The following MYH10 variants were observed in gnomAD, a reference collection of about 807,000 sequenced individuals.
MYH10 encodes myosin heavy chain 10, also known as myosin-10.
In MYH10, 55 loss-of-function variants were observed where a neutral mutation model predicts 257.8. That is an observed-to-expected ratio of 0.21 (90% CI 0.17 to 0.27). The LOEUF (loss-of-function observed/expected upper bound fraction) is 0.27, where lower values mean the gene tolerates loss of function less well. MYH10 is among the 10% of genes least tolerant of loss of function. The pLI is 1.00. For missense variants in MYH10, 1,631 were observed against 2,500.6 expected (o/e 0.65, Z 7.42); for synonymous variants, 854 against 921.7 (o/e 0.93, Z 1.33).
chr17:8,591,520 A>G (rs2084137942), intron 3 of MYH10, among the ~76,000 whole-genome samples: 1 of 152,184 alleles, frequency 6.6e-6, no homozygotes, highest in African/African-American at 2.4e-5. Context: ...ATGAATCTTC[A>G]GACCCCCGAA....
At position 8,476,699 on chromosome 17, in the gene MYH10, CTT is replaced by C. The variant is rs201883724; in HGVS notation, c.5879+175_5879+176del. ...CTGGCAATGAATAGGGCCGCCTCCT[CTT>C]TTATTCTCCCCAAGGACGACTATAA... On this transcript the variant is annotated intron_variant, in intron 42 of 42. Coordinates refer to ENST00000360416, the MANE Select transcript of MYH10 (RefSeq NM_001256012.3). Among the ~76,000 whole-genome samples the C allele has an allele frequency of 9.3e-3, 1,421 of 152,356 alleles. 24 individuals are homozygous for C. The highest frequency in any genetic ancestry group is 0.031 in the African/African-American group (1,302 of 41,570).
chr17:8,479,484 C>G (rs1367848771), intron 40 of MYH10, among the ~76,000 whole-genome samples: 1 of 152,186 alleles, frequency 6.6e-6, no homozygotes, highest in African/African-American at 2.4e-5. Context: ...CTTCAGCCCA[C>G]TGGAGTCCAA....
At chr17:8,588,408 C>T (rs929945221) in intron 4 of MYH10, among the ~76,000 whole-genome samples, 1 of 152,184 alleles carries the variant, frequency 6.6e-6, no homozygotes, top group African/African-American at 2.4e-5. Context: ...CCTGTTCTTC[C>T]TCCCATGTTC....
intron 2 of MYH10, among the ~76,000 whole-genome samples, chr17:8,608,764 A>T (rs918798448): frequency 6.6e-6 from 1 of 151,900 alleles, no homozygotes. Flanking sequence ...ACCTATGCTG[A>T]CCACTCTGCC....
At chr17:8,573,148 C>T (rs182077) in intron 6 of MYH10, among the ~76,000 whole-genome samples, 146,876 of 152,314 alleles carry the variant, frequency 0.96, 71,053 homozygotes, top group East Asian at 1. Flanking sequence ...GTGAAAATTA[C>T]ACTCCTGGGT....
At chr17:8,607,047 T>C (rs2152079370) in intron 2 of MYH10, among the ~76,000 whole-genome samples, 1 of 152,208 alleles carries the variant, frequency 6.6e-6, no homozygotes, top group East Asian at 1.9e-4. Flanking sequence ...ATAAAGGCTT[T>C]ATTAAGGCTG....
At chr17:8,548,889 C>T (rs1431370053) in intron 9 of MYH10, 102 bp from the exon 10 acceptor site, 1 of 928,458 alleles carries the variant, frequency 1.1e-6, no homozygotes, top group African/African-American at 1.7e-5. Flanking sequence ...GAGCAGTGGT[C>T]ACCATGCAAC....
rs1193474487 is a variant in MYH10 at position 8,499,453 on chromosome 17, G to C, written c.3768C>G (p.Asn1256Lys). The C allele has an allele frequency of 6.2e-7, 1 of 1,614,022 alleles. No homozygotes were observed. The highest frequency in any genetic ancestry group is 1.3e-5 in the African/African-American group (1 of 74,904). Residue 1256 changes from asparagine (N) to lysine (K), a missense_variant, in exon 30 of 43, where the codon AAC becomes AAG. Asn to Lys is a moderately conservative substitution (Grantham distance 94). Transcript: ENST00000360416. The part of the protein sequence containing the change: ...AKRFKANLEK[N>K]KQGLETDNKE... ...TGTTATCTGTCTCCAGGCCCTGCTT[G>C]TTCTTCTCTAGATTTGCTTTGAACT...
chr17:8,498,375 G>A (rs1916995158), intron 30 of MYH10, among the ~76,000 whole-genome samples: 1 of 152,160 alleles, frequency 6.6e-6, no homozygotes, highest in Admixed American at 6.5e-5. Flanking sequence ...AGTGGATACT[G>A]AGGGCTGACT....
Position 8,506,231 on chromosome 17 carries a change from G to T in MYH10, c.3386+87C>A. On this transcript the variant is annotated intron_variant, in intron 27 of 42. Transcript: ENST00000360416. The surrounding 1 kb of genome is among the most constrained non-coding windows in gnomAD (Gnocchi z 5.0). Reference sequence around the variant, plus strand: ...AAGCAAACCCCATCTCACTCTCCCAGGGTTTTTGAATGCTCCCGAACATAA... The same window carrying T: ...AAGCAAACCCCATCTCACTCTCCCATGGTTTTTGAATGCTCCCGAACATAA... 7.3e-7 allele frequency: 1 copy of T among 1,372,818 alleles called. No individual in the cohort carries two copies. The highest frequency in any genetic ancestry group is 1.6e-5 in the South Asian group (1 of 61,880). 85.0% of individuals were successfully genotyped at this position (1,372,818 alleles called of 1,614,324 possible).
intron 29 of MYH10, 113 bp from the exon 30 acceptor site, chr17:8,499,589 A>G (rs941981058): frequency 3.4e-6 from 3 of 881,734 alleles, no homozygotes; most frequent in Non-Finnish European, 5.3e-6. Context: ...TCTGTAGTCA[A>G]CATCTGTTGA....
chr17:8,550,741 C>T (rs1172903505), intron 9 of MYH10, among the ~76,000 whole-genome samples: 4 of 151,832 alleles, frequency 2.6e-5, no homozygotes, highest in African/African-American at 7.3e-5. Context: ...GGATGGTTGC[C>T]GTGTCTGTGT....
chr17:8,523,157 T>C (rs922658990), intron 17 of MYH10, among the ~76,000 whole-genome samples: 4 of 152,206 alleles, frequency 2.6e-5, no homozygotes, highest in African/African-American at 9.6e-5. Context: ...TCTAACTAGA[T>C]ATACCTGACC....
Position 8,477,167 on chromosome 17 carries a change from A to AT in MYH10, c.5707-120_5707-119insA. 1 of 1,071,970 alleles carries AT rather than the reference A, an allele frequency of 9.3e-7. No individual in the cohort carries two copies. The highest frequency in any genetic ancestry group is 1.3e-6 in the Non-Finnish European group (1 of 752,288). 66.4% of individuals were successfully genotyped at this position (1,071,970 alleles called of 1,614,324 possible). Reference sequence around the variant, plus strand: ...GTTACCCTTGTGAGCACGCGTGTACACGGATGTACACGCGTGCCTGGGGGC... The same window carrying AT: ...GTTACCCTTGTGAGCACGCGTGTACATCGGATGTACACGCGTGCCTGGGGGC... On this transcript the variant is annotated intron_variant, in intron 41 of 42. Coordinates refer to ENST00000360416, the MANE Select transcript of MYH10 (RefSeq NM_001256012.3). This position sits in a 1 kb window ranked among gnomAD's most constrained non-coding sequence, Gnocchi z 4.2.
intron 14 of MYH10, among the ~76,000 whole-genome samples, chr17:8,537,377 G>T (rs937227806): frequency 2.0e-5 from 3 of 152,198 alleles, no homozygotes; most frequent in African/African-American, 7.2e-5. Flanking sequence ...AAATATAAAT[G>T]AAACAGTGTA....
chr17:8,622,898 T>C lies in MYH10; in HGVS notation c.345+4A>G, dbSNP rs1167774690. On this transcript the variant is annotated splice_donor_region_variant and intron_variant, in intron 2 of 42. Coordinates refer to ENST00000360416, the MANE Select transcript of MYH10 (RefSeq NM_001256012.3). The stretch of plus-strand genomic sequence containing the variant: ...TCACATGATTATTTGGAAGAAATAC[T>C]TACATAGATTAGTCCTGAATAGTAG... 1 of 1,611,780 alleles carries C rather than the reference T, an allele frequency of 6.2e-7. No individual in the cohort carries two copies. Among genetic ancestry groups the C allele is most frequent in the African/African-American group, 1.3e-5 (1 of 74,812 alleles).
rs952073708 is a variant in MYH10, at chr17:8,535,913, G to A, written c.1624C>T (p.Leu542=). 10 of 1,613,902 alleles carry A rather than the reference G, an allele frequency of 6.2e-6. No individual in the cohort carries two copies. Among genetic ancestry groups the A allele is most frequent in the African/African-American group, 2.7e-5 (2 of 74,888 alleles). ...IERPANPPGV[L]ALLDEECWFP... ...CAGCATTCTTCATCCAAAAGGGCCA[G>A]TACACCAGGAGGGTTCGCCTGATAA... Residue 542 remains leucine (L), a synonymous_variant, in exon 15 of 43, where the codon CTG becomes TTG. Transcript: ENST00000360416. This position sits in a 1 kb window ranked among gnomAD's most constrained non-coding sequence, Gnocchi z 4.3.
At chr17:8,539,744 T>C (rs1015188993) in intron 14 of MYH10, among the ~76,000 whole-genome samples, 2 of 150,926 alleles carry the variant, frequency 1.3e-5, no homozygotes, top group Non-Finnish European at 3.0e-5. Flanking sequence ...CATGACACCA[T>C]ACCTGGCTAA....
rs960769524 is a variant in MYH10, at chr17:8,474,307, T to C, written c.*1497A>G. 4.6e-5 allele frequency: 7 copies of C among 152,598 alleles called. No individual in the cohort carries two copies. Among genetic ancestry groups the C allele is most frequent in the African/African-American group, 9.6e-5 (4 of 41,452 alleles). 9.5% of individuals were successfully genotyped at this position (152,598 alleles called of 1,614,324 possible). On this transcript the variant is annotated 3_prime_UTR_variant, in exon 43 of 43. Transcript: ENST00000360416. Reference sequence around the variant, plus strand: ...AGCAGGCGCAAATATCTATAATGAATAAATTTATTGTCTTACAAAAATCAT... The same window carrying C: ...AGCAGGCGCAAATATCTATAATGAACAAATTTATTGTCTTACAAAAATCAT...
Sources: allele counts gnomAD v4.1 joint callset (sites outside exome capture counted in the v4.1 genomes callset), GRCh38; gene constraint gnomAD v4.1.1; non-coding constraint Gnocchi (gnomAD v3.1); transcripts MANE v1.5; gene names NCBI Gene and HGNC (gene_info 2026-07-23, HGNC 2026-07-21).